INPP5A: variants seen among roughly 807,000 people sequenced by gnomAD.
INPP5A encodes the protein 43 kDa inositol polyphosphate 5-phophatase.
INPP5A carries 14 observed loss-of-function variants against 65.2 expected under a neutral mutation model. The observed-to-expected ratio is 0.21, with a 90% CI of 0.14 to 0.34. INPP5A has a LOEUF of 0.34. Ranked by LOEUF, INPP5A falls within the 10% of genes least tolerant of loss-of-function variation. INPP5A has a pLI of 1.00. For synonymous variants in INPP5A, 207 were observed against 208.3 expected, an observed-to-expected ratio of 0.99 and a Z score of 0.05; for missense variants, 431 against 545.6, an observed-to-expected ratio of 0.79 and a Z score of 2.09.
chr10:132,679,588 C>T lies in INPP5A; in HGVS notation c.307-10804C>T, dbSNP rs77589705. On this transcript the variant is annotated intron_variant, in intron 4 of 15. Transcript: ENST00000368594. ...TCCAGGGAAGGAGAATGTGGAGTCC[C>T]GTAGCCTAGAAGTAACAGAGTTTGG... Among the ~76,000 whole-genome samples the T allele has an allele frequency of 4.3e-4, 66 of 151,926 alleles. No individual in the cohort carries two copies. The East Asian group carries it at 0.012, about 28-fold the overall frequency.
At position 132,681,956 on chromosome 10, in the gene INPP5A, G is replaced by C. The variant is rs190239206; in HGVS notation, c.307-8436G>C. On this transcript the variant is annotated intron_variant, in intron 4 of 15. Transcript: ENST00000368594. ...TGTCACAGAAACACGAACATGGTAT[G>C]ATTCCACTTACATGAGGTACTCGGA... Among the ~76,000 whole-genome samples, 27 of 152,356 alleles carry C rather than the reference G, an allele frequency of 1.8e-4. No individual in the cohort carries two copies. In the East Asian group the frequency reaches 5.0e-3, roughly 28 times the overall value.
intron 9 of INPP5A, among the ~76,000 whole-genome samples, chr10:132,733,552 T>C (rs1161980672): frequency 6.6e-6 from 1 of 152,202 alleles, no homozygotes; most frequent in Non-Finnish European, 1.5e-5. Context: ...TGGCATGGTT[T>C]TTAAAAAAGG....
At chr10:132,716,352 G>A (rs1324582617) in intron 8 of INPP5A, among the ~76,000 whole-genome samples, 1 of 152,248 alleles carries the variant, frequency 6.6e-6, no homozygotes, top group East Asian at 1.9e-4. Context: ...TGTGCCAGCT[G>A]GAGGCAAGCG....
chr10:132,599,489 C>G (rs979563815), intron 1 of INPP5A, among the ~76,000 whole-genome samples: 1 of 152,218 alleles, frequency 6.6e-6, no homozygotes, highest in Non-Finnish European at 1.5e-5. Context: ...CATGGTACAG[C>G]CTCCCTCTCG....
chr10:132,764,407 C>T (rs553804308), intron 11 of INPP5A, among the ~76,000 whole-genome samples: 8 of 151,618 alleles, frequency 5.3e-5, no homozygotes, highest in African/African-American at 1.9e-4. Context: ...TGGTGACACT[C>T]AGGAACACGG....
intron 12 of INPP5A, among the ~76,000 whole-genome samples, chr10:132,773,516 T>C (rs570833168): frequency 6.6e-6 from 1 of 152,348 alleles, no homozygotes; most frequent in Non-Finnish European, 1.5e-5. Context: ...TAATTTATGT[T>C]CTCCTGTCTT....
At chr10:132,708,404 T>C in intron 7 of INPP5A, 39 bp downstream of exon 7, 1 of 1,592,010 alleles carries the variant, frequency 6.3e-7, no homozygotes, top group Non-Finnish European at 8.6e-7. Flanking sequence ...CCATAACGTT[T>C]CTTACCCTTT....
At chr10:132,624,392 C>T (rs533860174) in intron 2 of INPP5A, among the ~76,000 whole-genome samples, 13 of 152,312 alleles carry the variant, frequency 8.5e-5, no homozygotes, top group East Asian at 7.7e-4. Context: ...CCGGCATGCC[C>T]GTGCTTCACA....
intron 1 of INPP5A, among the ~76,000 whole-genome samples, chr10:132,591,559 G>A (rs541153061): frequency 4.6e-4 from 70 of 152,360 alleles, no homozygotes; most frequent in Non-Finnish European, 7.6e-4. Flanking sequence ...GCAAAAGGTC[G>A]TTTGTGAGGT....
chr10:132,697,109 T>G lies in INPP5A; in HGVS notation c.371-707T>G, dbSNP rs1845356833. On this transcript the variant is annotated intron_variant, in intron 5 of 15. Coordinates refer to ENST00000368594, the MANE Select transcript of INPP5A (RefSeq NM_005539.5). The surrounding 1 kb of genome is among the most constrained non-coding windows in gnomAD (Gnocchi z 5.6). The stretch of plus-strand genomic sequence containing the variant: ...GCCCAGGAGCCATCCTGTGGCATCT[T>G]GCAAAGAGGCCAGCAGCCACCTGCC... 6.6e-6 allele frequency among the ~76,000 whole-genome samples: 1 copy of G among 152,230 alleles called. No individual in the cohort carries two copies. The highest frequency in any genetic ancestry group is 2.1e-4 in the South Asian group (1 of 4,832).
chr10:132,588,406 A>G (rs2071574496), intron 1 of INPP5A, among the ~76,000 whole-genome samples: 1 of 152,270 alleles, frequency 6.6e-6, no homozygotes, highest in African/African-American at 2.4e-5. Flanking sequence ...GCCTGGACAC[A>G]GTTTGTGCTT....
At chr10:132,775,649 T>C (rs1847052186) in intron 12 of INPP5A, among the ~76,000 whole-genome samples, 1 of 152,086 alleles carries the variant, frequency 6.6e-6, no homozygotes, top group Admixed American at 6.5e-5. Context: ...TCCTGTTGAG[T>C]CGTCTGTGAA....
intron 1 of INPP5A, among the ~76,000 whole-genome samples, chr10:132,548,216 A>G (rs1194136812): frequency 6.7e-6 from 1 of 149,202 alleles, no homozygotes; most frequent in Non-Finnish European, 1.5e-5. Flanking sequence ...AAATGGGTGG[A>G]GGGGTGGGGT....
chr10:132,561,888 G>A (rs1002198519), intron 1 of INPP5A, among the ~76,000 whole-genome samples: 5 of 152,186 alleles, frequency 3.3e-5, no homozygotes, highest in Non-Finnish European at 5.9e-5. Context: ...TCCTGGGGAG[G>A]GGAGCAGATG....
intron 2 of INPP5A, among the ~76,000 whole-genome samples, chr10:132,612,998 G>GGGAGGGCAGTCTTGCCATGGT (rs1449598059): frequency 1.3e-5 from 2 of 152,184 alleles, no homozygotes; most frequent in African/African-American, 2.4e-5. Flanking sequence ...GAGGCCATGG[G>GGGAGGGCAGTCTTGCCATGGT]GGAGGGCAGT....
At position 132,659,780 on chromosome 10, in the gene INPP5A, G is replaced by C. The variant is rs564705917; in HGVS notation, c.306+9275G>C. Among the ~76,000 whole-genome samples, 1 of 152,320 alleles carries C rather than the reference G, an allele frequency of 6.6e-6. No homozygotes were observed. The highest frequency in any genetic ancestry group is 2.1e-4 in the South Asian group (1 of 4,828). On this transcript the variant is annotated intron_variant, in intron 4 of 15. Transcript: ENST00000368594. This position sits in a 1 kb window ranked among gnomAD's most constrained non-coding sequence, Gnocchi z 5.5. ...CACTGTCCCGAGTCAGGTCTGCACG[G>C]CTTCATGGCTGCCTGCCCTGGGAGG...
chr10:132,739,147 G>A (rs1369607186), intron 9 of INPP5A, among the ~76,000 whole-genome samples: 1 of 152,240 alleles, frequency 6.6e-6, no homozygotes, highest in Non-Finnish European at 1.5e-5. Context: ...TTCCATCTGG[G>A]ATGGTCATTC....
At chr10:132,668,383 T>C (rs1451786055) in intron 4 of INPP5A, among the ~76,000 whole-genome samples, 2 of 152,176 alleles carry the variant, frequency 1.3e-5, no homozygotes, top group East Asian at 1.9e-4. Flanking sequence ...GGAAAAAATA[T>C]GGAAATGAAG....
intron 1 of INPP5A, among the ~76,000 whole-genome samples, chr10:132,574,321 C>T (rs573238118): frequency 1.5e-4 from 21 of 138,920 alleles, no homozygotes; most frequent in Non-Finnish European, 2.9e-4. Flanking sequence ...TTGGGTTGTA[C>T]GTGCCGTGGG....
Sources: gnomAD v4.1 joint callset for allele counts (sites outside exome capture counted in the v4.1 genomes callset) on GRCh38, gnomAD v4.1.1 for gene constraint, Gnocchi (gnomAD v3.1) non-coding constraint, MANE v1.5 for transcripts, NCBI Gene and HGNC (gene_info 2026-07-23, HGNC 2026-07-21) for gene names.